The following FSTL5 variants were observed in gnomAD, a reference collection of about 807,000 sequenced individuals.
FSTL5 encodes follistatin-related protein 5.
In FSTL5, 62 loss-of-function variants were observed where a neutral mutation model predicts 89.1. The ratio of observed to expected loss-of-function variants is 0.70; its 90% CI spans 0.57 to 0.86. FSTL5 has a LOEUF of 0.86. Among genes scored for constraint, FSTL5 ranks in the 40% least tolerant of loss-of-function variants. FSTL5 has a pLI of 0.00. For missense variants in FSTL5, 1,057 were observed against 1,001.6 expected, an observed-to-expected ratio of 1.06 and a Z score of -0.75; for synonymous variants, 383 against 346.2, an observed-to-expected ratio of 1.11 and a Z score of -1.18.
At chr4:161,932,320 AT>A (rs1402954979) in intron 3 of FSTL5, among the ~76,000 whole-genome samples, 1 of 151,854 alleles carries the variant, frequency 6.6e-6, no homozygotes, top group Non-Finnish European at 1.5e-5. Flanking sequence ...ACAAGAGACT[AT>A]TTTTAAATCT....
intron 8 of FSTL5, among the ~76,000 whole-genome samples, chr4:161,550,242 C>T (rs1362657310): frequency 6.6e-6 from 1 of 151,890 alleles, no homozygotes; most frequent in Non-Finnish European, 1.5e-5. Context: ...CTGCTGCACC[C>T]TTTCTGCCAT....
intron 4 of FSTL5, among the ~76,000 whole-genome samples, chr4:161,829,703 A>G (rs567608698): frequency 6.6e-6 from 1 of 152,120 alleles, no homozygotes; most frequent in African/African-American, 2.4e-5. Flanking sequence ...CCACCTTGTT[A>G]TATAGTTAAC....
chr4:162,046,570 T>C (rs1395085861), intron 2 of FSTL5, among the ~76,000 whole-genome samples: 1 of 151,930 alleles, frequency 6.6e-6, no homozygotes, highest in Non-Finnish European at 1.5e-5. Context: ...CAGGAGAAAA[T>C]TTATGCCTGG....
intron 4 of FSTL5, among the ~76,000 whole-genome samples, chr4:161,910,664 T>G (rs1733663994): frequency 6.6e-6 from 1 of 152,142 alleles, no homozygotes. Flanking sequence ...TTCTGTCATC[T>G]TAATTGAAAT....
chr4:161,756,466 C>T (rs866448581), intron 6 of FSTL5, among the ~76,000 whole-genome samples: 12 of 152,026 alleles, frequency 7.9e-5, no homozygotes, highest in South Asian at 2.1e-4. Flanking sequence ...GTTAATGAAA[C>T]CCATATATAT....
chr4:161,480,471 A>C (rs1729460114), intron 13 of FSTL5, among the ~76,000 whole-genome samples: 1 of 152,232 alleles, frequency 6.6e-6, no homozygotes, highest in Admixed American at 6.5e-5. Context: ...TCAAACTTGA[A>C]GTATGAATTC....
intron 3 of FSTL5, among the ~76,000 whole-genome samples, chr4:161,974,960 C>A (rs1735590792): frequency 6.9e-6 from 1 of 144,834 alleles, no homozygotes; most frequent in Non-Finnish European, 1.5e-5. Context: ...ACAGACACTT[C>A]TCAAAAGAAG....
chr4:162,012,853 T>A lies in FSTL5; in HGVS notation c.160+20772A>T, dbSNP rs185358319. Among the ~76,000 whole-genome samples, 1,316 of 152,240 alleles carry A rather than the reference T, an allele frequency of 8.6e-3. 10 individuals carry two copies. Among genetic ancestry groups the A allele is most frequent in the Non-Finnish European group, 0.014 (952 of 68,004 alleles). On this transcript the variant is annotated intron_variant, in intron 3 of 15. Coordinates refer to ENST00000306100, the MANE Select transcript of FSTL5 (RefSeq NM_020116.5). ...ATATGACATTATATTTAATTAGAAT[T>A]CTGAAATTTATAGCATTATGAAATT...
rs561967387 is a variant in FSTL5, at chr4:161,607,226, G to GA, written c.895-19652dup. On this transcript the variant is annotated intron_variant, in intron 7 of 15. Coordinates refer to ENST00000306100, the MANE Select transcript of FSTL5 (RefSeq NM_020116.5). The stretch of plus-strand genomic sequence containing the variant: ...TTCTCCATTATTATGAAAATGTAGA[G>GA]AAAAAAATCGTAAGACTTGGTGATT... 1.2e-4 allele frequency among the ~76,000 whole-genome samples: 19 copies of GA among 152,174 alleles called. No individual in the cohort carries two copies. In the South Asian group the frequency reaches 3.9e-3, roughly 32 times the overall value.
intron 6 of FSTL5, among the ~76,000 whole-genome samples, chr4:161,693,470 A>G (rs1306775166): frequency 6.6e-6 from 1 of 152,044 alleles, no homozygotes; most frequent in Non-Finnish European, 1.5e-5. Context: ...CTTTGTTGGT[A>G]GATTTATGAT....
chr4:161,866,676 A>T (rs1303442919), intron 4 of FSTL5, among the ~76,000 whole-genome samples: 1 of 151,992 alleles, frequency 6.6e-6, no homozygotes, highest in Non-Finnish European at 1.5e-5. Context: ...ATTTTTATAA[A>T]ATTATACTTT....
In FSTL5 at chr4:161,386,266, T is replaced by C. The variant is rs1465432655; in HGVS notation, c.2025A>G (p.Pro675=). The change falls in exon 16 of 16, where the codon CCA becomes CCG. Residue 675 remains proline (P), a synonymous_variant. Coordinates refer to ENST00000306100, the MANE Select transcript of FSTL5 (RefSeq NM_020116.5). ...CAGTTACACCGTCCACCATGACCTG[T>C]GGGGAAACTGCTCCGGTGCTGTCAG... ...CKPDSTGAVS[P]QVMVDGVTDS... is the part of the protein sequence containing the mutation. The C allele has an allele frequency of 2.5e-6, 4 of 1,613,838 alleles. No homozygotes were observed. Among genetic ancestry groups the C allele is most frequent in the Admixed American group, 3.3e-5 (2 of 59,966 alleles).
chr4:161,672,706 T>TAA (rs61459217), intron 6 of FSTL5, among the ~76,000 whole-genome samples: 14 of 132,966 alleles, frequency 1.1e-4, no homozygotes, highest in East Asian at 6.2e-4. Flanking sequence ...TCTAAGAAAT[T>TAA]AAAAAAAAAA....
intron 2 of FSTL5, among the ~76,000 whole-genome samples, chr4:162,052,389 T>A (rs1738407381): frequency 6.6e-6 from 1 of 151,746 alleles, no homozygotes; most frequent in South Asian, 2.1e-4. Context: ...GTTTCTATAC[T>A]ATAACATACA....
chr4:161,856,579 T>C (rs992797551), intron 4 of FSTL5, among the ~76,000 whole-genome samples: 15 of 151,808 alleles, frequency 9.9e-5, no homozygotes, highest in East Asian at 3.9e-4. Context: ...TGTCTCTCTT[T>C]ATAGAATTTA....
intron 10 of FSTL5, among the ~76,000 whole-genome samples, chr4:161,526,593 G>A (rs964841123): frequency 1.3e-5 from 2 of 152,136 alleles, no homozygotes; most frequent in Admixed American, 1.3e-4. Context: ...TAACGTTTAA[G>A]TCTTTAATCC....
chr4:161,920,463 G>A lies in FSTL5; in HGVS notation c.350C>T (p.Ala117Val), dbSNP rs769789513. The stretch of plus-strand genomic sequence containing the variant: ...AATCTTTTGTTTTTTCAGGCAAGCA[G>A]CTCTGTGCACTTCACAGTGGTTTTC... The part of the protein sequence containing the change: ...FYENHCEVHR[A>V]ACLKKQKITI... The change falls in exon 4 of 16, where the codon GCT becomes GTT. Residue 117 changes from alanine to valine, a missense_variant. Transcript: ENST00000306100. The A allele has an allele frequency of 6.2e-7, 1 of 1,613,916 alleles. No homozygotes were observed. Among genetic ancestry groups the A allele is most frequent in the Non-Finnish European group, 8.5e-7 (1 of 1,179,880 alleles).
intron 2 of FSTL5, among the ~76,000 whole-genome samples, chr4:162,107,801 C>T (rs1731281139): frequency 6.6e-6 from 1 of 152,034 alleles, no homozygotes; most frequent in Non-Finnish European, 1.5e-5. Context: ...CTATGTCTGC[C>T]CTACCTTTGC....
At chr4:161,931,136 C>A (rs1435215043) in intron 3 of FSTL5, among the ~76,000 whole-genome samples, 1 of 151,676 alleles carries the variant, frequency 6.6e-6, no homozygotes, top group Admixed American at 6.6e-5. Flanking sequence ...TCTAATGCTG[C>A]CAAAGGGGAG....
Sources: gnomAD v4.1 joint callset for allele counts (sites outside exome capture counted in the v4.1 genomes callset) on GRCh38, gnomAD v4.1.1 for gene constraint, MANE v1.5 for transcripts, NCBI Gene and HGNC (gene_info 2026-07-23, HGNC 2026-07-21) for gene names.